EFCAB6: variants seen among roughly 807,000 people sequenced by gnomAD.
EFCAB6 encodes EF-hand calcium binding domain 6.
Under a neutral mutation model 169.8 loss-of-function variants are expected in EFCAB6, and 156 were observed. The observed-to-expected ratio is 0.92, with a 90% CI of 0.81 to 1.05. The LOEUF (loss-of-function observed/expected upper bound fraction) is 1.05, where lower values mean the gene tolerates loss of function less well. Ranked by LOEUF, EFCAB6 falls within the 50% of genes least tolerant of loss-of-function variation. EFCAB6 has a pLI of 0.00. For missense variants in EFCAB6, 1,800 were observed against 1,829.1 expected, an observed-to-expected ratio of 0.98 and a Z score of 0.29; for synonymous variants, 698 against 676.4, an observed-to-expected ratio of 1.03 and a Z score of -0.50.
At chr22:43,798,920 CA>C (rs2062605906) in intron 2 of EFCAB6, among the ~76,000 whole-genome samples, 1 of 152,216 alleles carries the variant, frequency 6.6e-6, no homozygotes, top group Non-Finnish European at 1.5e-5. Context: ...ATTACAGAAA[CA>C]GCCTCTGATC....
chr22:43,571,727 G>A (rs2049886501), intron 26 of EFCAB6, among the ~76,000 whole-genome samples: 1 of 152,126 alleles, frequency 6.6e-6, no homozygotes, highest in Non-Finnish European at 1.5e-5. Context: ...ACCACCTCCT[G>A]CTCCCGATGG....
chr22:43,794,019 T>C (rs2062407343), intron 2 of EFCAB6, among the ~76,000 whole-genome samples: 1 of 152,172 alleles, frequency 6.6e-6, no homozygotes, highest in Admixed American at 6.5e-5. Flanking sequence ...TTTGAGACCT[T>C]TTTTCAGAAA....
At chr22:43,713,756 A>T (rs1171756455) in intron 9 of EFCAB6, among the ~76,000 whole-genome samples, 1 of 152,206 alleles carries the variant, frequency 6.6e-6, no homozygotes, top group African/African-American at 2.4e-5. Flanking sequence ...AGAATGTATA[A>T]CTTGCAAAAT....
chr22:43,565,013 CA>C (rs1234928159), intron 26 of EFCAB6, among the ~76,000 whole-genome samples: 3 of 152,210 alleles, frequency 2.0e-5, no homozygotes, highest in Non-Finnish European at 4.4e-5. Flanking sequence ...TGCCCTTTGC[CA>C]GGGGGGGCTT....
chr22:43,762,695 T>C (rs2061205522), intron 5 of EFCAB6, among the ~76,000 whole-genome samples: 1 of 152,200 alleles, frequency 6.6e-6, no homozygotes, highest in African/African-American at 2.4e-5. Context: ...TGTTTAGCCT[T>C]TTATGTTTAA....
At chr22:43,617,083 T>C (rs1421539669) in intron 20 of EFCAB6, among the ~76,000 whole-genome samples, 2 of 152,178 alleles carry the variant, frequency 1.3e-5, no homozygotes, top group Non-Finnish European at 1.5e-5. Flanking sequence ...TTTCTCCAAC[T>C]GCCTACCGGA....
At chr22:43,541,005 A>G (rs1312821096) in intron 27 of EFCAB6, among the ~76,000 whole-genome samples, 1 of 152,190 alleles carries the variant, frequency 6.6e-6, no homozygotes, top group Non-Finnish European at 1.5e-5. Context: ...ATCCTAAATG[A>G]GCCACTTTTG....
intron 23 of EFCAB6, among the ~76,000 whole-genome samples, chr22:43,599,442 G>A (rs2052314981): frequency 6.9e-6 from 1 of 144,832 alleles, no homozygotes; most frequent in African/African-American, 2.5e-5. Flanking sequence ...CCCGGGAGGT[G>A]GAGGTTGCAG....
In EFCAB6 at chr22:43,626,513, C is replaced by G. The variant is rs747467610; in HGVS notation, c.2399G>C (p.Arg800Pro). 1 of 1,613,876 alleles carries G rather than the reference C, an allele frequency of 6.2e-7. No homozygotes were observed. The highest frequency in any genetic ancestry group is 8.5e-7 in the Non-Finnish European group (1 of 1,180,028). The change falls in exon 20 of 32, where the codon CGG becomes CCG. Residue 800 changes from arginine to proline, a missense_variant. Arg to Pro is a moderately radical substitution (Grantham distance 103). Transcript: ENST00000262726. Reference protein sequence around the residue: ...GLRLSVTLNFREFQNLCEKRP... With the variant: ...GLRLSVTLNFPEFQNLCEKRP... Reference sequence around the variant, plus strand: ...CTTCTCACACAAATTTTGAAATTCCCGAAAATTTAAAGTGACACTAAGTCT... The same window carrying G: ...CTTCTCACACAAATTTTGAAATTCCGGAAAATTTAAAGTGACACTAAGTCT...
At chr22:43,574,327 CT>C (rs2050093297) in intron 26 of EFCAB6, among the ~76,000 whole-genome samples, 1 of 152,056 alleles carries the variant, frequency 6.6e-6, no homozygotes, top group African/African-American at 2.4e-5. Flanking sequence ...AAAAAAACTT[CT>C]TTAAGGCAGG....
chr22:43,687,451 T>TG lies in EFCAB6; in HGVS notation c.1142+19_1142+20insC, dbSNP rs752209047. 76 of 1,348,676 alleles carry TG rather than the reference T, an allele frequency of 5.6e-5. 1 individual carries two copies. The highest frequency in any genetic ancestry group is 2.0e-4 in the South Asian group (14 of 69,136). 83.5% of individuals were successfully genotyped at this position (1,348,676 alleles called of 1,614,324 possible). A position where few individuals can be genotyped will look rare whatever the true frequency, so the allele number is the denominator to read the frequency against. On this transcript the variant is annotated intron_variant, in intron 11 of 31. Transcript: ENST00000262726. ...TGATATGTGTAACTAAAATTTGTTT[T>TG]TTTTTTTTTTTTTACATACCTATTT...
intron 7 of EFCAB6, among the ~76,000 whole-genome samples, chr22:43,733,000 GTATT>G (rs1185529339): frequency 6.6e-6 from 1 of 152,066 alleles, no homozygotes; most frequent in African/African-American, 2.4e-5. Context: ...ATCACTTAAA[GTATT>G]TATTTTTCTG....
At chr22:43,807,327 T>A (rs966941559) in intron 2 of EFCAB6, among the ~76,000 whole-genome samples, 2 of 152,208 alleles carry the variant, frequency 1.3e-5, no homozygotes, top group Non-Finnish European at 2.9e-5. Context: ...AAAGAGAATT[T>A]TGAGACATTA....
intron 24 of EFCAB6, among the ~76,000 whole-genome samples, chr22:43,585,503 C>A (rs757108977): frequency 6.6e-6 from 1 of 152,078 alleles, no homozygotes; most frequent in Non-Finnish European, 1.5e-5. Flanking sequence ...GTAACACCTG[C>A]ATCATTGGAA....
At chr22:43,689,807 G>A (rs2058339783) in intron 10 of EFCAB6, among the ~76,000 whole-genome samples, 1 of 152,212 alleles carries the variant, frequency 6.6e-6, no homozygotes, top group African/African-American at 2.4e-5. Flanking sequence ...TAACAGGGAG[G>A]AAATGCAATT....
chr22:43,573,073 G>A (rs1298632617), intron 26 of EFCAB6, among the ~76,000 whole-genome samples: 1 of 152,202 alleles, frequency 6.6e-6, no homozygotes, highest in African/African-American at 2.4e-5. Context: ...AGAGGAGAGT[G>A]GGATCCCTCA....
intron 27 of EFCAB6, among the ~76,000 whole-genome samples, chr22:43,547,401 G>A (rs2048119473): frequency 6.6e-6 from 1 of 152,158 alleles, no homozygotes; most frequent in African/African-American, 2.4e-5. Context: ...AACAGAAATA[G>A]ATATATAATT....
chr22:43,577,697 A>C (rs1238688751), intron 25 of EFCAB6, among the ~76,000 whole-genome samples: 1 of 152,160 alleles, frequency 6.6e-6, no homozygotes, highest in African/African-American at 2.4e-5. Context: ...ATGAACACAG[A>C]CAACTGTGCC....
At chr22:43,612,101 C>T (rs1008580613) in intron 21 of EFCAB6, among the ~76,000 whole-genome samples, 7 of 152,194 alleles carry the variant, frequency 4.6e-5, no homozygotes. Context: ...GGATAACTGG[C>T]TAACCATATG....
Sources: allele counts gnomAD v4.1 joint callset (sites outside exome capture counted in the v4.1 genomes callset), GRCh38; gene constraint gnomAD v4.1.1; transcripts MANE v1.5; gene names NCBI Gene and HGNC (gene_info 2026-07-23, HGNC 2026-07-21).